Variants in HOXA1 observed in about 807,000 individuals in gnomAD.
The protein encoded by HOXA1 is homeobox protein Hox-A1.
HOXA1 carries 21 observed loss-of-function variants against 28.3 expected under a neutral mutation model. That is an observed-to-expected ratio of 0.74 (90% confidence interval 0.53 to 1.07). The LOEUF (loss-of-function observed/expected upper bound fraction) is 1.07. Ranked by LOEUF, HOXA1 falls within the 50% of genes least tolerant of loss-of-function variation. HOXA1 has a pLI of 0.00. For synonymous variants in HOXA1, 208 were observed against 181.2 expected (o/e 1.15, Z -1.19); for missense variants, 446 against 434.3 (o/e 1.03, Z -0.24).
At position 27,095,658 on chromosome 7, in the gene HOXA1, G is replaced by T; in HGVS notation, c.255C>A (p.Asn85Lys). Residue 85 changes from asparagine (N) to lysine (K), a missense_variant, in exon 1 of 2, where the codon AAC becomes AAA. Coordinates refer to ENST00000643460, the MANE Select transcript of HOXA1 (RefSeq NM_005522.5). ...TTGAGTGGGAGTAGGACACCCCCAG[G>T]TTCCCGGAAGTCTGGTAGGTAGCCG... ...PQPATYQTSGNLGVSYSHSSC... is the reference protein window; with the variant it reads ...PQPATYQTSGKLGVSYSHSSC... 9 of 1,614,070 alleles carry T rather than the reference G, an allele frequency of 5.6e-6. No individual in the cohort carries two copies. Among genetic ancestry groups the T allele is most frequent in the Non-Finnish European group, 7.6e-6 (9 of 1,180,026 alleles).
In HOXA1 at chr7:27,095,338, C is replaced by G. The variant is rs781119821; in HGVS notation, c.575G>C (p.Arg192Pro). Residue 192 changes from arginine to proline, a missense_variant, in exon 1 of 2, where the codon CGC (arginine) becomes CCC (proline). Physicochemically the swap from Arg to Pro is moderately radical, Grantham distance 103. Transcript: ENST00000643460. ...PLHASHQEAC[R>P]SPASETSSPA... ...AGAAGATGTCTCCGATGCGGGGGAG[C>G]GACAGGCTTCTTGGTGGCTGGCGTG... 3.1e-6 allele frequency: 5 copies of G among 1,613,950 alleles called. No individual in the cohort carries two copies. Among genetic ancestry groups the G allele is most frequent in the Non-Finnish European group, 4.2e-6 (5 of 1,179,980 alleles).
Position 27,094,539 on chromosome 7 carries a change from G to A in HOXA1, c.909C>T (p.Asn303=), listed in dbSNP as rs778380747. 3.1e-6 allele frequency: 5 copies of A among 1,614,216 alleles called. No homozygotes were observed. Among genetic ancestry groups the A allele is most frequent in the Non-Finnish European group, 4.2e-6 (5 of 1,180,036 alleles). ...CTGAGGATTCCTCGGCCTTCTCGTC[G>A]TTTCCTGGCGGGGTGGCCGGAGAGA... ...LPISPATPPG[N]DEKAEESSEK... is the part of the protein sequence containing the mutation. The change falls in exon 2 of 2, where the codon AAC becomes AAT. Residue 303 remains asparagine, a synonymous_variant. Coordinates refer to ENST00000643460, the MANE Select transcript of HOXA1 (RefSeq NM_005522.5).
chr7:27,094,837 T>G (rs778191046), intron 1 of HOXA1, 42 bp from the exon 2 acceptor site: 6 of 1,489,330 alleles, frequency 4.0e-6, no homozygotes, highest in Non-Finnish European at 5.6e-6. Context: ...ATGTAAAAAT[T>G]TTTAAATCGA....
chr7:27,093,080 A>G lies in HOXA1; in HGVS notation c.*1360T>C, dbSNP rs1455951564. ...TTAGCACTTGACCCAGGAAGTATCC[A>G]TGTTTGTTTCAAAAATAAATCTGCT... On this transcript the variant is annotated 3_prime_UTR_variant, in exon 2 of 2. Transcript: ENST00000643460. The G allele has an allele frequency of 6.6e-6, 1 of 152,644 alleles. No homozygotes were observed. Among genetic ancestry groups the G allele is most frequent in the South Asian group, 2.1e-4 (1 of 4,826 alleles). The allele number at this position is 152,644 out of a possible 1,614,324, so 9.5% of individuals were successfully genotyped here.
intron 1 of HOXA1, 48 bp from the exon 2 acceptor site, chr7:27,094,843 A>G (rs1285989717): frequency 7.0e-7 from 1 of 1,430,106 alleles, no homozygotes; most frequent in East Asian, 2.3e-5. Context: ...AAATTTTTAA[A>G]TCGACTTGAG....
chr7:27,095,556 T>C lies in HOXA1; in HGVS notation c.357A>G (p.Val119=). The change falls in exon 1 of 2, where the codon GTA becomes GTG. Residue 119 remains valine (V), a synonymous_variant. Transcript: ENST00000643460. ...SPYALNQEAD[V]SGGYPQCAPA... is the part of the protein sequence containing the mutation. The stretch of plus-strand genomic sequence containing the variant: ...GAGCGCACTGGGGGTACCCACCACT[T>C]ACGTCTGCTTCCTGATTTAACGCGT... 1.9e-6 allele frequency: 3 copies of C among 1,614,116 alleles called. No individual in the cohort carries two copies. Among genetic ancestry groups the C allele is most frequent in the Non-Finnish European group, 2.5e-6 (3 of 1,180,018 alleles).
Position 27,093,064 on chromosome 7 carries a change from G to A in HOXA1, c.*1376C>T, listed in dbSNP as rs1286060019. ...GTTGGAGGTGAAAAGGTTAGCACTT[G>A]ACCCAGGAAGTATCCATGTTTGTTT... is the stretch of plus-strand genomic sequence containing the variant. On this transcript the variant is annotated 3_prime_UTR_variant, in exon 2 of 2. Transcript: ENST00000643460. 1 of 152,618 alleles carries A rather than the reference G, an allele frequency of 6.6e-6. No individual in the cohort carries two copies. Among genetic ancestry groups the A allele is most frequent in the Admixed American group, 6.5e-5 (1 of 15,294 alleles). The allele number at this position is 152,618 out of a possible 1,614,324, so 9.5% of individuals were successfully genotyped here.
At position 27,095,307 on chromosome 7, in the gene HOXA1, C is replaced by T; in HGVS notation, c.606G>A (p.Ala202=). ...RSPASETSSP[A]QTFDWMKVKR... is the part of the protein sequence containing the mutation. ...TGACTTTCATCCAGTCAAAAGTCTG[C>T]GCTGGAGAAGATGTCTCCGATGCGG... The change falls in exon 1 of 2, where the codon GCG becomes GCA. Residue 202 remains alanine, a synonymous_variant. Coordinates refer to ENST00000643460, the MANE Select transcript of HOXA1 (RefSeq NM_005522.5). The T allele has an allele frequency of 1.9e-6, 3 of 1,614,028 alleles. No individual in the cohort carries two copies. The highest frequency in any genetic ancestry group is 2.5e-6 in the Non-Finnish European group (3 of 1,180,028).
chr7:27,094,662 G>C lies in HOXA1; in HGVS notation c.786C>G (p.Ile262Met), dbSNP rs1034749835. 5.6e-6 allele frequency: 9 copies of C among 1,613,896 alleles called. No homozygotes were observed. The East Asian group carries it at 1.8e-4, about 32-fold the overall frequency. ...KYLTRARRVE[I>M]AASLQLNETQ... ...TCTCGTTGAGCTGCAGGGATGCAGC[G>C]ATCTCCACCCTGCGGGCGCGCGTCA... Residue 262 changes from isoleucine to methionine, a missense_variant, in exon 2 of 2, where the codon ATC becomes ATG. By Grantham distance (10) the Ile-to-Met change is conservative. Coordinates refer to ENST00000643460, the MANE Select transcript of HOXA1 (RefSeq NM_005522.5).
At position 27,095,307 on chromosome 7, in the gene HOXA1, C is replaced by A; in HGVS notation, c.606G>T (p.Ala202=). Residue 202 remains alanine, a synonymous_variant, in exon 1 of 2, where the codon GCG becomes GCT. Coordinates refer to ENST00000643460, the MANE Select transcript of HOXA1 (RefSeq NM_005522.5). ...RSPASETSSP[A]QTFDWMKVKR... ...TGACTTTCATCCAGTCAAAAGTCTGCGCTGGAGAAGATGTCTCCGATGCGG... is the reference window on the plus strand; with the variant it reads ...TGACTTTCATCCAGTCAAAAGTCTGAGCTGGAGAAGATGTCTCCGATGCGG... 2 of 1,614,028 alleles carry A rather than the reference C, an allele frequency of 1.2e-6. No homozygotes were observed. Among genetic ancestry groups the A allele is most frequent in the South Asian group, 1.1e-5 (1 of 91,070 alleles).
chr7:27,094,580 C>T lies in HOXA1; in HGVS notation c.868G>A (p.Glu290Lys). Reference protein sequence around the residue: ...RRMKQKKREKEGLLPISPATP... With the variant: ...RRMKQKKREKKGLLPISPATP... ...GCCGGAGAGATGGGCAAGAGACCCT[C>T]CTTCTCACGTTTCTTTTGCTTCATT... Residue 290 changes from glutamate to lysine, a missense_variant, in exon 2 of 2, where the codon GAG becomes AAG. By Grantham distance (56) the Glu-to-Lys change is moderately conservative. Transcript: ENST00000643460. 6.2e-7 allele frequency: 1 copy of T among 1,614,206 alleles called. No homozygotes were observed. The highest frequency in any genetic ancestry group is 1.6e-4 in the Middle Eastern group (1 of 6,062).
chr7:27,095,400 C>T lies in HOXA1; in HGVS notation c.513G>A (p.Leu171=), dbSNP rs1430710653. 1 of 1,614,056 alleles carries T rather than the reference C, an allele frequency of 6.2e-7. No individual in the cohort carries two copies. The highest frequency in any genetic ancestry group is 8.5e-7 in the Non-Finnish European group (1 of 1,180,014). The part of the protein sequence containing the change: ...HHSYGQEHQS[L]ALATYNNSLS... The stretch of plus-strand genomic sequence containing the variant: ...AGGAGTTATTATACGTAGCCAGGGC[C>T]AGGCTCTGGTGCTCCTGTCCATATG... Residue 171 remains leucine, a synonymous_variant, in exon 1 of 2, where the codon CTG becomes CTA. Transcript: ENST00000643460.
intron 1 of HOXA1, 146 bp downstream of exon 1, chr7:27,095,115 C>T: frequency 5.6e-6 from 5 of 898,158 alleles, no homozygotes; most frequent in African/African-American, 1.7e-5. Context: ...TGCCCCAACA[C>T]CTCTGGGCAC....
chr7:27,094,819 A>G, intron 1 of HOXA1, 24 bp from the exon 2 acceptor site: 1 of 1,583,478 alleles, frequency 6.3e-7, no homozygotes, highest in Non-Finnish European at 8.7e-7. Flanking sequence ...GGAAGCCATG[A>G]GACGGAAATG....
rs186304469 is a variant in HOXA1, at chr7:27,094,257, C to T, written c.*183G>A. The T allele has an allele frequency of 1.2e-4, 70 of 604,150 alleles. No individual in the cohort carries two copies. The highest frequency in any genetic ancestry group is 4.4e-4 in the African/African-American group (24 of 54,156). 37.4% of individuals were successfully genotyped at this position (604,150 alleles called of 1,614,324 possible). A position where few individuals can be genotyped will look rare whatever the true frequency, so the allele number is the denominator to read the frequency against. On this transcript the variant is annotated 3_prime_UTR_variant, in exon 2 of 2. Coordinates refer to ENST00000643460, the MANE Select transcript of HOXA1 (RefSeq NM_005522.5). Reference sequence around the variant, plus strand: ...CCAATCTGGATGAAGGTGTTAACCCCGCACCAAGTCTCTGGTCCAGAATTA... The same window carrying T: ...CCAATCTGGATGAAGGTGTTAACCCTGCACCAAGTCTCTGGTCCAGAATTA...
At chr7:27,094,856 T>TC in intron 1 of HOXA1, 61 bp from the exon 2 acceptor site, 1 of 1,217,590 alleles carries the variant, frequency 8.2e-7, no homozygotes, top group South Asian at 1.2e-5. Flanking sequence ...GACTTGAGAT[T>TC]CCCCACACGC....
Position 27,096,000 on chromosome 7 carries a change from T to A in HOXA1, c.-88A>T. The A allele has an allele frequency of 1.4e-6, 1 of 706,176 alleles. No homozygotes were observed. Among genetic ancestry groups the A allele is most frequent in the Non-Finnish European group, 2.4e-6 (1 of 418,778 alleles). 43.7% of individuals were successfully genotyped at this position (706,176 alleles called of 1,614,324 possible). ...CCATGGGGCCGGAGAAGAAAAATGATATGAATGTACAGTGCGCAAGAGGGG... is the reference window on the plus strand; with the variant it reads ...CCATGGGGCCGGAGAAGAAAAATGAAATGAATGTACAGTGCGCAAGAGGGG... On this transcript the variant is annotated 5_prime_UTR_variant, in exon 1 of 2. Coordinates refer to ENST00000643460, the MANE Select transcript of HOXA1 (RefSeq NM_005522.5).
Position 27,095,377 on chromosome 7 carries a change from G to A in HOXA1, c.536C>T (p.Ser179Phe). Residue 179 changes from serine (S) to phenylalanine (F), a missense_variant, in exon 1 of 2, where the codon TCC (serine) becomes TTC (phenylalanine). By Grantham distance (155) the Ser-to-Phe change is radical. Transcript: ENST00000643460. ...GTGGCTGGCGTGGAGAGGGGACAAG[G>A]AGTTATTATACGTAGCCAGGGCCAG... ...QSLALATYNN[S>F]LSPLHASHQE... 1 of 1,614,034 alleles carries A rather than the reference G, an allele frequency of 6.2e-7. No individual in the cohort carries two copies.
rs536977600 is a variant in HOXA1 at position 27,095,187 on chromosome 7, A to G, written c.652+74T>C. 2.4e-5 allele frequency: 36 copies of G among 1,487,056 alleles called. No individual in the cohort carries two copies. The East Asian group carries it at 7.5e-4, about 31-fold the overall frequency. The allele number at this position is 1,487,056 out of a possible 1,614,324, so 92.1% of individuals were successfully genotyped here. Reference sequence around the variant, plus strand: ...GCCTTTTAAAAAAAAGATCATTATTAATTTCCTTGGAAATTAAGCATACCA... The same window carrying G: ...GCCTTTTAAAAAAAAGATCATTATTGATTTCCTTGGAAATTAAGCATACCA... On this transcript the variant is annotated intron_variant, in intron 1 of 1. Transcript: ENST00000643460.
Sources: gnomAD v4.1 joint callset for allele counts on GRCh38, gnomAD v4.1.1 for gene constraint, MANE v1.5 for transcripts, NCBI Gene and HGNC (gene_info 2026-07-23, HGNC 2026-07-21) for gene names.